EDA: variants seen among roughly 807,000 people sequenced by gnomAD.
EDA encodes ectodysplasin-A.
A neutral mutation model predicts 23.6 loss-of-function variants in EDA; 2 were observed. That is an observed-to-expected ratio of 0.08 (90% CI 0.03 to 0.27). The LOEUF (loss-of-function observed/expected upper bound fraction) is 0.27, where lower values mean the gene tolerates loss of function less well. Among genes scored for constraint, EDA ranks in the 10% least tolerant of loss-of-function variants. The pLI, the probability that EDA is intolerant of heterozygous loss-of-function variation, is 1.00. For missense variants in EDA, 229 were observed against 324.2 expected, an observed-to-expected ratio of 0.71 and a Z score of 2.26; for synonymous variants, 131 against 132.0, an observed-to-expected ratio of 0.99 and a Z score of 0.05.
At chrX:69,899,389 T>C (rs1173040845) in intron 1 of EDA, among the ~76,000 whole-genome samples, 1 of 111,467 alleles carries the variant, frequency 9.0e-6, no homozygotes, top group Admixed American at 9.6e-5. Flanking sequence ...CAACCTCAGG[T>C]CTGTTTACGA....
At chrX:69,677,083 G>GT (rs1428544962) in intron 1 of EDA, among the ~76,000 whole-genome samples, 1 of 97,115 alleles carries the variant, frequency 1.0e-5, no homozygotes, top group African/African-American at 3.8e-5. Flanking sequence ...GCGGTGTTTG[G>GT]TTTTTTGTTC....
At chrX:70,019,591 C>A (rs1012042187) in intron 2 of EDA, among the ~76,000 whole-genome samples, 1 of 112,072 alleles carries the variant, frequency 8.9e-6, no homozygotes, top group Admixed American at 9.5e-5. Flanking sequence ...ATGTTCTTTG[C>A]AGCAACATGG....
intron 1 of EDA, among the ~76,000 whole-genome samples, chrX:69,885,663 C>T (rs971839116): frequency 8.9e-6 from 1 of 111,790 alleles, no homozygotes; most frequent in Non-Finnish European, 1.9e-5. Context: ...AATTCAGGTA[C>T]AAGTTTGTGA....
intron 1 of EDA, among the ~76,000 whole-genome samples, chrX:69,873,420 A>G (rs1344565838): frequency 8.9e-6 from 1 of 112,372 alleles, no homozygotes; most frequent in Non-Finnish European, 1.9e-5. Context: ...AATGAAATTG[A>G]AACAAACAAA....
intron 1 of EDA, among the ~76,000 whole-genome samples, chrX:69,775,108 A>G (rs2014741027): frequency 9.0e-6 from 1 of 111,690 alleles, no homozygotes; most frequent in African/African-American, 3.2e-5. Context: ...CACCATGAAA[A>G]GTATTCCTTC....
intron 2 of EDA, among the ~76,000 whole-genome samples, chrX:69,980,671 G>A (rs1602582714): frequency 8.9e-6 from 1 of 112,157 alleles, no homozygotes; most frequent in Non-Finnish European, 1.9e-5. Flanking sequence ...AAGATCTCAA[G>A]CTATATTCTA....
At chrX:69,784,459 G>A (rs1360475639) in intron 1 of EDA, among the ~76,000 whole-genome samples, 4 of 86,973 alleles carry the variant, frequency 4.6e-5, no homozygotes, top group East Asian at 3.5e-4. Flanking sequence ...ATCTTGAATT[G>A]ATTTTTGTAT....
In EDA at chrX:70,036,065, T is replaced by G; in HGVS notation, c.*456T>G. 6.8e-6 allele frequency: 1 copy of G among 146,040 alleles called. No homozygotes were observed. The highest frequency in any genetic ancestry group is 7.8e-5 in the Admixed American group (1 of 12,864). 12.0% of individuals were successfully genotyped at this position (146,040 alleles called of 1,213,427 possible). A position where few individuals can be genotyped will look rare whatever the true frequency, so the allele number is the denominator to read the frequency against. On this transcript the variant is annotated 3_prime_UTR_variant, in exon 8 of 8. Coordinates refer to ENST00000374552, the MANE Select transcript of EDA (RefSeq NM_001399.5). The stretch of plus-strand genomic sequence containing the variant: ...GCTGGGGTGGAGTGGGAAGGGAGCA[T>G]TGCAGCCTAAGAAGAAGGCCAGAGA...
At chrX:69,825,851 C>T (rs2016412459) in intron 1 of EDA, among the ~76,000 whole-genome samples, 1 of 110,279 alleles carries the variant, frequency 9.1e-6, no homozygotes, top group Non-Finnish European at 1.9e-5. Context: ...TATAAATTTC[C>T]CTCTACACAC....
At chrX:69,878,557 A>G (rs148999195) in intron 1 of EDA, among the ~76,000 whole-genome samples, 1 of 112,245 alleles carries the variant, frequency 8.9e-6, no homozygotes, top group Non-Finnish European at 1.9e-5. Context: ...ACTAAGCCTG[A>G]ACAGAACTTC....
chrX:69,793,570 G>GTTTTTTTTTTTTTTTTTTTTTTTT, intron 1 of EDA, among the ~76,000 whole-genome samples: 1 of 58,779 alleles, frequency 1.7e-5, no homozygotes, highest in Non-Finnish European at 2.9e-5. Context: ...GTTTGTTTTT[G>GTTTTTTTTTTTTTTTTTTTTTTTT]TTTTTTTTTT....
At chrX:69,824,551 A>G (rs1259351683) in intron 1 of EDA, among the ~76,000 whole-genome samples, 1 of 108,735 alleles carries the variant, frequency 9.2e-6, no homozygotes, top group Non-Finnish European at 1.9e-5. Flanking sequence ...TTGATTTTGT[A>G]TCCTGAGACT....
chrX:69,730,038 T>A (rs1314215941), intron 1 of EDA, among the ~76,000 whole-genome samples: 1 of 111,684 alleles, frequency 9.0e-6, no homozygotes, highest in African/African-American at 3.3e-5. Flanking sequence ...ATTTTTAAAA[T>A]TTTTTTGTGG....
intron 1 of EDA, among the ~76,000 whole-genome samples, chrX:69,894,765 A>T (rs2017985927): frequency 8.9e-6 from 1 of 112,044 alleles, no homozygotes; most frequent in South Asian, 3.7e-4. Context: ...TTGTATCCTG[A>T]AACTTTGCCA....
intron 1 of EDA, among the ~76,000 whole-genome samples, chrX:69,689,227 T>C (rs1289028539): frequency 9.1e-6 from 1 of 110,325 alleles, no homozygotes; most frequent in African/African-American, 3.3e-5. Context: ...TATTTATTAT[T>C]ATTATTATAC....
chrX:69,684,876 A>G (rs1369906361), intron 1 of EDA, among the ~76,000 whole-genome samples: 1 of 112,612 alleles, frequency 8.9e-6, no homozygotes, highest in African/African-American at 3.2e-5. Flanking sequence ...TAGATGCTGT[A>G]TAGCTGTATA....
At chrX:69,711,284 C>G (rs954081332) in intron 1 of EDA, among the ~76,000 whole-genome samples, 15 of 111,259 alleles carry the variant, frequency 1.3e-4, no homozygotes, top group Admixed American at 7.7e-4. Flanking sequence ...TGTTTATATG[C>G]TGGATTATGT....
intron 1 of EDA, among the ~76,000 whole-genome samples, chrX:69,665,467 C>A (rs1345398605): frequency 9.0e-6 from 1 of 111,493 alleles, no homozygotes; most frequent in African/African-American, 3.3e-5. Context: ...GGTCTTTTAT[C>A]CATTTGAATT....
At chrX:69,847,445 C>T (rs1024209113) in intron 1 of EDA, among the ~76,000 whole-genome samples, 4 of 111,407 alleles carry the variant, frequency 3.6e-5, no homozygotes, top group African/African-American at 1.3e-4. Context: ...AAAACTCCTT[C>T]ATACTACCTA....
Sources: gnomAD v4.1 joint callset for allele counts (sites outside exome capture counted in the v4.1 genomes callset) on GRCh38, gnomAD v4.1.1 for gene constraint, MANE v1.5 for transcripts, NCBI Gene and HGNC (gene_info 2026-07-23, HGNC 2026-07-21) for gene names.